Variants in SCFD1 observed in about 807,000 individuals in gnomAD.
SCFD1 encodes the protein sec1 family domain-containing protein 1.
In SCFD1, 37 loss-of-function variants were observed where a neutral mutation model predicts 103.2. The ratio of observed to expected loss-of-function variants is 0.36; its 90% confidence interval spans 0.28 to 0.47. The LOEUF (loss-of-function observed/expected upper bound fraction) is 0.47, where lower values mean the gene tolerates loss of function less well. Ranked by LOEUF, SCFD1 falls within the 20% of genes least tolerant of loss-of-function variation. SCFD1 has a pLI of 1.00. For missense variants in SCFD1, 639 were observed against 761.2 expected, an observed-to-expected ratio of 0.84 and a Z score of 1.89; for synonymous variants, 264 against 245.0, an observed-to-expected ratio of 1.08 and a Z score of -0.73.
intron 23 of SCFD1, among the ~76,000 whole-genome samples, chr14:30,723,784 T>G (rs1789116501): frequency 6.6e-6 from 1 of 152,240 alleles, no homozygotes; most frequent in African/African-American, 2.4e-5. Context: ...ACATTTTCTT[T>G]GTCTAGTCTA....
At chr14:30,667,063 G>A (rs1888046152) in intron 10 of SCFD1, among the ~76,000 whole-genome samples, 2 of 152,162 alleles carry the variant, frequency 1.3e-5, no homozygotes, top group Non-Finnish European at 2.9e-5. Flanking sequence ...TATGAGGCCA[G>A]CATCATCCTG....
intron 14 of SCFD1, 61 bp from the exon 15 acceptor site, chr14:30,694,712 G>A: frequency 2.0e-6 from 3 of 1,510,104 alleles, no homozygotes; most frequent in Non-Finnish European, 2.6e-6. Context: ...TATAAGGTGA[G>A]TAGATCATTA....
chr14:30,674,292 A>G (rs1226726241), intron 13 of SCFD1, among the ~76,000 whole-genome samples: 1 of 152,166 alleles, frequency 6.6e-6, no homozygotes, highest in Non-Finnish European at 1.5e-5. Context: ...ATTTTATTAT[A>G]GATACTGTTT....
chr14:30,640,380 G>T (rs751445493), intron 6 of SCFD1, among the ~76,000 whole-genome samples: 12 of 152,006 alleles, frequency 7.9e-5, no homozygotes, highest in Non-Finnish European at 1.5e-4. Flanking sequence ...TTTTGACAAC[G>T]GTTATTATTC....
chr14:30,684,555 T>A (rs955944740), intron 14 of SCFD1, among the ~76,000 whole-genome samples: 1 of 152,008 alleles, frequency 6.6e-6, no homozygotes, highest in Non-Finnish European at 1.5e-5. Flanking sequence ...ATGACTGAAA[T>A]TTGGAGAAAA....
intron 14 of SCFD1, among the ~76,000 whole-genome samples, chr14:30,693,642 T>A (rs2139308213): frequency 6.6e-6 from 1 of 152,356 alleles, no homozygotes; most frequent in East Asian, 1.9e-4. Context: ...CACTTCCTCC[T>A]CAATTGGCTA....
intron 11 of SCFD1, among the ~76,000 whole-genome samples, chr14:30,670,808 T>C (rs1888468732): frequency 6.6e-6 from 1 of 152,024 alleles, no homozygotes. Flanking sequence ...TACCTAAGCC[T>C]AAAAGCCTAG....
chr14:30,704,581 T>C (rs1891340003), intron 17 of SCFD1, among the ~76,000 whole-genome samples: 3 of 152,236 alleles, frequency 2.0e-5, no homozygotes, highest in Non-Finnish European at 4.4e-5. Flanking sequence ...CATCATCCTT[T>C]CTGAACAAGA....
intron 5 of SCFD1, among the ~76,000 whole-genome samples, chr14:30,639,100 C>T (rs923104196): frequency 6.6e-6 from 1 of 152,146 alleles, no homozygotes; most frequent in Non-Finnish European, 1.5e-5. Flanking sequence ...GTGTCTCGCT[C>T]GCCCAGGCTG....
rs998166322 is a variant in SCFD1, at chr14:30,683,188, G to C, written c.1242+8123G>C. ...TCTCCTAGTAGGCTGGAGATGGAGA[G>C]TGTTCTGGATGGAGAGCAGAATGGT... On this transcript the variant is annotated intron_variant, in intron 14 of 24. Coordinates refer to ENST00000458591, the MANE Select transcript of SCFD1 (RefSeq NM_016106.4). 6.3e-6 allele frequency: 7 copies of C among 1,104,674 alleles called. No individual in the cohort carries two copies. The African/African-American group carries it at 9.4e-5, about 15-fold the overall frequency. 68.4% of individuals were successfully genotyped at this position (1,104,674 alleles called of 1,614,324 possible).
At chr14:30,631,421 T>G (rs573502651) in intron 3 of SCFD1, among the ~76,000 whole-genome samples, 1 of 152,316 alleles carries the variant, frequency 6.6e-6, no homozygotes, top group African/African-American at 2.4e-5. Flanking sequence ...ATTTATTGAC[T>G]GCAGTGCTGA....
At chr14:30,695,433 A>C (rs1890627431) in intron 15 of SCFD1, among the ~76,000 whole-genome samples, 1 of 152,198 alleles carries the variant, frequency 6.6e-6, no homozygotes, top group African/African-American at 2.4e-5. Flanking sequence ...CAAGTATCAC[A>C]TGTTCTCACT....
At chr14:30,680,945 A>G (rs1424759738) in intron 14 of SCFD1, among the ~76,000 whole-genome samples, 1 of 152,144 alleles carries the variant, frequency 6.6e-6, no homozygotes, top group Non-Finnish European at 1.5e-5. Context: ...TAAGAGTTCA[A>G]CATTCAGCTG....
At chr14:30,659,257 A>G (rs11622786) in intron 10 of SCFD1, among the ~76,000 whole-genome samples, 28,615 of 149,852 alleles carry the variant, frequency 0.19, 3,153 homozygotes, top group East Asian at 0.47. Context: ...TTAATAATAT[A>G]TTTTATAATC....
At chr14:30,714,616 T>G (rs898548860) in intron 19 of SCFD1, among the ~76,000 whole-genome samples, 2 of 152,162 alleles carry the variant, frequency 1.3e-5, no homozygotes, top group African/African-American at 4.8e-5. Flanking sequence ...ATAAAATGTT[T>G]TATGATCTAA....
At chr14:30,631,394 G>A (rs751738149) in intron 3 of SCFD1, among the ~76,000 whole-genome samples, 48 of 152,008 alleles carry the variant, frequency 3.2e-4, no homozygotes, top group Non-Finnish European at 5.7e-4. Flanking sequence ...AAAATAAACT[G>A]TTGAATATCT....
At chr14:30,668,878 G>A (rs533190076) in intron 10 of SCFD1, among the ~76,000 whole-genome samples, 4 of 152,192 alleles carry the variant, frequency 2.6e-5, no homozygotes, top group African/African-American at 7.2e-5. Flanking sequence ...TTAAAATGGT[G>A]ATCAGTAAAA....
chr14:30,720,513 G>A (rs773603251), intron 21 of SCFD1, among the ~76,000 whole-genome samples: 18 of 152,154 alleles, frequency 1.2e-4, no homozygotes, highest in Non-Finnish European at 2.2e-4. Flanking sequence ...CTCAATATGC[G>A]TGGGTTCCTC....
intron 23 of SCFD1, among the ~76,000 whole-genome samples, chr14:30,724,251 T>G (rs1892872301): frequency 1.5e-5 from 2 of 131,788 alleles, no homozygotes; most frequent in Admixed American, 7.5e-5. Context: ...ATGGGTTTTT[T>G]TTTTTTTTTT....
Sources: gnomAD v4.1 joint callset for allele counts (sites outside exome capture counted in the v4.1 genomes callset) on GRCh38, gnomAD v4.1.1 for gene constraint, MANE v1.5 for transcripts, NCBI Gene and HGNC (gene_info 2026-07-23, HGNC 2026-07-21) for gene names.